The following CAMK4 variants were observed in gnomAD, a reference collection of about 807,000 sequenced individuals.
CAMK4 encodes the protein calcium/calmodulin dependent protein kinase IV, also known as calcium/calmodulin-dependent protein kinase type IV.
A neutral mutation model predicts 44.9 loss-of-function variants in CAMK4; 22 were observed. That is an observed-to-expected ratio of 0.49 (90% CI 0.35 to 0.70). The LOEUF is 0.70. Ranked by LOEUF, CAMK4 falls within the 30% of genes least tolerant of loss-of-function variation. CAMK4 has a pLI of 0.01. For missense variants in CAMK4, 498 were observed against 586.8 expected (o/e 0.85, Z 1.56); for synonymous variants, 218 against 215.4 (o/e 1.01, Z -0.11).
At chr5:111,284,713 T>C (rs1036882652) in intron 1 of CAMK4, among the ~76,000 whole-genome samples, 7 of 152,224 alleles carry the variant, frequency 4.6e-5, no homozygotes, top group African/African-American at 7.2e-5. Context: ...GAGAGCGTTA[T>C]TGCTTCTTTT....
chr5:111,270,618 T>A (rs1485219471), intron 1 of CAMK4, among the ~76,000 whole-genome samples: 2 of 152,172 alleles, frequency 1.3e-5, no homozygotes, highest in African/African-American at 4.8e-5. Flanking sequence ...AGCTTACCCC[T>A]ATTCCCTTCC....
At chr5:111,398,202 C>T (rs1752092041) in intron 5 of CAMK4, among the ~76,000 whole-genome samples, 1 of 152,192 alleles carries the variant, frequency 6.6e-6, no homozygotes, top group African/African-American at 2.4e-5. Flanking sequence ...AAAGTAAAAA[C>T]CTAAATCTGA....
intron 1 of CAMK4, among the ~76,000 whole-genome samples, chr5:111,309,169 C>T (rs1428185844): frequency 3.9e-5 from 6 of 152,192 alleles, no homozygotes; most frequent in South Asian, 2.1e-4. Context: ...GAGGGCACAT[C>T]GCTTAACAAT....
At chr5:111,274,794 A>G (rs1750685399) in intron 1 of CAMK4, among the ~76,000 whole-genome samples, 1 of 152,116 alleles carries the variant, frequency 6.6e-6, no homozygotes, top group African/African-American at 2.4e-5. Flanking sequence ...GTTTGTTATA[A>G]AAGAAAAAGG....
At chr5:111,244,588 C>T (rs1023525695) in intron 1 of CAMK4, among the ~76,000 whole-genome samples, 4 of 152,236 alleles carry the variant, frequency 2.6e-5, no homozygotes, top group South Asian at 2.1e-4. Flanking sequence ...ATAGTCTGGG[C>T]GCAGTGGCAC....
chr5:111,316,524 T>G, intron 1 of CAMK4, among the ~76,000 whole-genome samples: 1 of 152,186 alleles, frequency 6.6e-6, no homozygotes, highest in East Asian at 1.9e-4. Context: ...TTGATCTTCC[T>G]CTAGCTCTGA....
intron 7 of CAMK4, among the ~76,000 whole-genome samples, chr5:111,450,736 C>T (rs1445985116): frequency 6.6e-6 from 1 of 150,556 alleles, no homozygotes; most frequent in Non-Finnish European, 1.5e-5. Context: ...TACAGTGAAG[C>T]AAGATTGCAC....
chr5:111,223,920 AG>A (rs1356902287), upstream of CAMK4: 1 of 153,504 alleles, frequency 6.5e-6, no homozygotes, highest in Admixed American at 6.5e-5. This position sits in a 1 kb window ranked among gnomAD's most constrained non-coding sequence, Gnocchi z 4.3. Context: ...ACCACCACCT[AG>A]GTCCCTCTCT....
At chr5:111,451,069 A>T (rs563003925) in intron 7 of CAMK4, among the ~76,000 whole-genome samples, 61 of 152,288 alleles carry the variant, frequency 4.0e-4, no homozygotes, top group African/African-American at 1.3e-3. Flanking sequence ...ATGTGATTAA[A>T]TCCATAGAAT....
intron 1 of CAMK4, among the ~76,000 whole-genome samples, chr5:111,241,763 G>A (rs1043909002): frequency 1.3e-5 from 2 of 152,088 alleles, no homozygotes; most frequent in African/African-American, 4.8e-5. Context: ...ATATACTACT[G>A]CCAGTAAATC....
intron 1 of CAMK4, among the ~76,000 whole-genome samples, chr5:111,296,667 G>T (rs1200090742): frequency 6.6e-6 from 1 of 152,124 alleles, no homozygotes; most frequent in Non-Finnish European, 1.5e-5. Flanking sequence ...ATTGGGCTTA[G>T]GGTGAAAAGG....
At chr5:111,483,957 C>A (rs1326041334) in intron 10 of CAMK4, 69 bp from the exon 11 acceptor site, 3 of 1,196,976 alleles carry the variant, frequency 2.5e-6, no homozygotes, top group South Asian at 1.9e-5. Context: ...AAAAGCAAAG[C>A]TGGGGTTGAG....
chr5:111,469,051 C>T (rs895890915), intron 7 of CAMK4, among the ~76,000 whole-genome samples: 1 of 137,614 alleles, frequency 7.3e-6, no homozygotes, highest in African/African-American at 2.8e-5. Context: ...GGCTGAGGCA[C>T]GAGAAGCGCT....
At chr5:111,423,479 T>G (rs915374056) in intron 5 of CAMK4, among the ~76,000 whole-genome samples, 1 of 152,194 alleles carries the variant, frequency 6.6e-6, no homozygotes. Context: ...TGCTATAGGT[T>G]CTGACCATCT....
chr5:111,393,535 A>G (rs1751886235), intron 4 of CAMK4, among the ~76,000 whole-genome samples: 1 of 152,168 alleles, frequency 6.6e-6, no homozygotes, highest in South Asian at 2.1e-4. Flanking sequence ...TACACCATGC[A>G]ATACTATGTA....
intron 3 of CAMK4, among the ~76,000 whole-genome samples, chr5:111,376,509 C>T (rs1751218981): frequency 1.3e-5 from 2 of 152,034 alleles, no homozygotes; most frequent in African/African-American, 2.4e-5. Flanking sequence ...ACCTTGATGC[C>T]TCAAATGGTT....
At chr5:111,253,487 G>C (rs935829785) in intron 1 of CAMK4, among the ~76,000 whole-genome samples, 1 of 152,160 alleles carries the variant, frequency 6.6e-6, no homozygotes, top group African/African-American at 2.4e-5. Flanking sequence ...CTCCAATACT[G>C]TTTTATGTTC....
intron 10 of CAMK4, 73 bp from the exon 11 acceptor site, chr5:111,483,953 A>T: frequency 1.7e-6 from 2 of 1,184,808 alleles, no homozygotes; most frequent in Non-Finnish European, 2.3e-6. Context: ...CCCTAAAAGC[A>T]AAGCTGGGGT....
chr5:111,330,844 G>A (rs1000285665), intron 1 of CAMK4, among the ~76,000 whole-genome samples: 2 of 151,620 alleles, frequency 1.3e-5, no homozygotes, highest in South Asian at 4.1e-4. Flanking sequence ...TTGATTTTTG[G>A]CAAAAGTACT....
Sources: gnomAD v4.1 joint callset for allele counts (sites outside exome capture counted in the v4.1 genomes callset) on GRCh38, gnomAD v4.1.1 for gene constraint, Gnocchi (gnomAD v3.1) non-coding constraint, MANE v1.5 for transcripts, NCBI Gene and HGNC (gene_info 2026-07-23, HGNC 2026-07-21) for gene names.